CFAP47: variants seen among roughly 807,000 people sequenced by gnomAD.
CFAP47 encodes the protein cilia- and flagella-associated protein 47.
Under a neutral mutation model 148.1 loss-of-function variants are expected in CFAP47, and 29 were observed. The observed-to-expected ratio is 0.20, with a 90% CI of 0.15 to 0.27. The LOEUF is 0.27. Among genes scored for constraint, CFAP47 ranks in the 10% least tolerant of loss-of-function variants. CFAP47 has a pLI of 1.00. For missense variants in CFAP47, 1,872 were observed against 1,697.5 expected (o/e 1.10, Z -1.81); for synonymous variants, 664 against 577.3 (o/e 1.15, Z -2.15).
intron 59 of CFAP47, among the ~76,000 whole-genome samples, chrX:36,352,802 G>A (rs1305104353): frequency 4.6e-5 from 5 of 109,197 alleles, no homozygotes; most frequent in Non-Finnish European, 9.5e-5. Context: ...CACCACTGGA[G>A]ATGATAAAAT....
intron 30 of CFAP47, among the ~76,000 whole-genome samples, chrX:36,088,754 A>G (rs1299529376): frequency 2.7e-5 from 3 of 111,747 alleles, no homozygotes; most frequent in Non-Finnish European, 5.6e-5. Flanking sequence ...ATCCTTTGAT[A>G]CAATTTCACT....
intron 22 of CFAP47, among the ~76,000 whole-genome samples, chrX:36,016,059 G>A (rs991251722): frequency 2.7e-5 from 3 of 110,170 alleles, no homozygotes; most frequent in Non-Finnish European, 3.8e-5. Flanking sequence ...TACATGAGAT[G>A]TTTTGATACT....
At chrX:35,936,910 T>C (rs6632409) in intron 2 of CFAP47, among the ~76,000 whole-genome samples, 19,957 of 107,290 alleles carry the variant, frequency 0.19, 1,586 homozygotes, top group African/African-American at 0.28. Flanking sequence ...AAGTACCCCC[T>C]TGGCTGCCCA....
At chrX:36,142,163 T>C (rs965234407) in intron 35 of CFAP47, among the ~76,000 whole-genome samples, 2 of 111,796 alleles carry the variant, frequency 1.8e-5, no homozygotes, top group African/African-American at 6.5e-5. Flanking sequence ...TTTGGCGTCT[T>C]ATTTGAAAGT....
chrX:36,233,458 A>G (rs1365743718), intron 46 of CFAP47, among the ~76,000 whole-genome samples: 1 of 110,403 alleles, frequency 9.1e-6, no homozygotes, highest in Admixed American at 9.6e-5. Context: ...TTTGTTTTCC[A>G]TTGGCTTGGT....
At chrX:36,107,134 T>C (rs2146799267) in intron 33 of CFAP47, among the ~76,000 whole-genome samples, 2 of 111,860 alleles carry the variant, frequency 1.8e-5, no homozygotes, top group South Asian at 7.4e-4. Context: ...TAAAAAACTG[T>C]CTATTTAAAA....
chrX:36,165,640 G>C (rs1602021530), intron 39 of CFAP47, among the ~76,000 whole-genome samples: 1 of 111,312 alleles, frequency 9.0e-6, no homozygotes, highest in East Asian at 2.8e-4. Flanking sequence ...AAGTGTATTG[G>C]TTTACTAGGG....
Position 36,160,924 on chromosome X carries a change from C to T in CFAP47, c.6026+155C>T, listed in dbSNP as rs1939422526. Among the ~76,000 whole-genome samples, 3 of 104,542 alleles carry T rather than the reference C, an allele frequency of 2.9e-5. No homozygotes were observed. The Admixed American group carries it at 3.1e-4, about 11-fold the overall frequency. 90.8% of individuals were successfully genotyped at this position (104,542 alleles called of 115,157 possible). On this transcript the variant is annotated intron_variant, in intron 39 of 63. Transcript: ENST00000378653. ...AGTACAGTAGCACCATCTTGGCTCA[C>T]TGCAGCCTCCACCTTCCAGGTCAAG...
intron 15 of CFAP47, among the ~76,000 whole-genome samples, chrX:35,988,722 G>T (rs1398648280): frequency 1.8e-5 from 2 of 111,919 alleles, no homozygotes; most frequent in Non-Finnish European, 3.8e-5. Flanking sequence ...AGGAAATGAT[G>T]AATCTAAACA....
At chrX:36,147,712 C>T (rs1939254692) in intron 36 of CFAP47, among the ~76,000 whole-genome samples, 2 of 112,369 alleles carry the variant, frequency 1.8e-5, no homozygotes, top group Non-Finnish European at 3.8e-5. Flanking sequence ...ATCAACAACA[C>T]ACTTGTTCTA....
At chrX:36,099,141 G>A (rs1273588898) in intron 31 of CFAP47, among the ~76,000 whole-genome samples, 1 of 111,658 alleles carries the variant, frequency 9.0e-6, no homozygotes, top group Non-Finnish European at 1.9e-5. Context: ...ATAAGGTGGG[G>A]TTATGTAAAT....
chrX:36,202,988 A>G lies in CFAP47; in HGVS notation c.6663+1488A>G, dbSNP rs1021692570. 3.6e-5 allele frequency among the ~76,000 whole-genome samples: 4 copies of G among 111,683 alleles called. No homozygotes were observed. The East Asian group carries it at 8.4e-4, about 23-fold the overall frequency. On this transcript the variant is annotated intron_variant, in intron 44 of 63. Coordinates refer to ENST00000378653, the MANE Select transcript of CFAP47 (RefSeq NM_001304548.2). Reference sequence around the variant, plus strand: ...TCTTAAGATTTATCTTCATTTATATATATCAAAGTACTTGGCATTGTAGAA... The same window carrying G: ...TCTTAAGATTTATCTTCATTTATATGTATCAAAGTACTTGGCATTGTAGAA...
At chrX:36,215,313 C>T (rs1333114336) in intron 45 of CFAP47, among the ~76,000 whole-genome samples, 1 of 111,393 alleles carries the variant, frequency 9.0e-6, no homozygotes, top group Non-Finnish European at 1.9e-5. Context: ...TTCCTTGTCT[C>T]CTGTTCCTGT....
chrX:35,993,156 A>AT (rs1936807284), intron 17 of CFAP47, 34 bp from the exon 18 acceptor site: 1 of 289,560 alleles, frequency 3.5e-6, no homozygotes, highest in Non-Finnish European at 6.0e-6. Context: ...ATTTTAAAGA[A>AT]TAATGTATCA....
chrX:36,335,823 T>C (rs1941600238), intron 57 of CFAP47, among the ~76,000 whole-genome samples: 1 of 111,589 alleles, frequency 9.0e-6, no homozygotes. Flanking sequence ...TTCTTCACTA[T>C]AATATTACAA....
At chrX:36,274,635 T>G (rs2146939966) in intron 49 of CFAP47, among the ~76,000 whole-genome samples, 1 of 112,133 alleles carries the variant, frequency 8.9e-6, no homozygotes, top group Admixed American at 9.5e-5. Flanking sequence ...AATTGTTTTC[T>G]TAATTTCCTA....
At chrX:36,297,127 GT>G (rs1941250482) in intron 51 of CFAP47, among the ~76,000 whole-genome samples, 2 of 111,435 alleles carry the variant, frequency 1.8e-5, no homozygotes, top group South Asian at 7.4e-4. Context: ...TAATCTAATT[GT>G]TAATTTGTAT....
At chrX:36,327,223 A>G (rs782515727) in intron 57 of CFAP47, among the ~76,000 whole-genome samples, 1 of 112,361 alleles carries the variant, frequency 8.9e-6, no homozygotes, top group South Asian at 3.7e-4. Context: ...TACATCTGAC[A>G]AAGGTCTAGT....
In CFAP47 at chrX:35,971,776, C is replaced by T. The variant is rs768284374; in HGVS notation, c.2157+4C>T. 38 of 1,198,524 alleles carry T rather than the reference C, an allele frequency of 3.2e-5. No homozygotes were observed. Among genetic ancestry groups the T allele is most frequent in the Non-Finnish European group, 3.7e-5 (33 of 887,314 alleles). On this transcript the variant is annotated splice_donor_region_variant and intron_variant, in intron 12 of 63. Transcript: ENST00000378653. ...GGAAGAGTCTGTGAGAAGAAAGGCA[C>T]GTGCAATGTTTTACATTTGGTTATT...
Sources: allele counts gnomAD v4.1 joint callset (sites outside exome capture counted in the v4.1 genomes callset), GRCh38; gene constraint gnomAD v4.1.1; transcripts MANE v1.5; gene names NCBI Gene and HGNC (gene_info 2026-07-23, HGNC 2026-07-21).